The following MET variants were observed in gnomAD, a reference collection of about 807,000 sequenced individuals.
The protein encoded by MET is hepatocyte growth factor receptor.
A neutral mutation model predicts 133.1 loss-of-function variants in MET; 48 were observed. The ratio of observed to expected loss-of-function variants is 0.36; its 90% confidence interval spans 0.29 to 0.46. The LOEUF (loss-of-function observed/expected upper bound fraction) is 0.46. Ranked by LOEUF, MET falls within the 20% of genes least tolerant of loss-of-function variation. The pLI, the probability that MET is intolerant of heterozygous loss-of-function variation, is 1.00. For missense variants in MET, 1,442 were observed against 1,695.9 expected (o/e 0.85, Z 2.63); for synonymous variants, 628 against 616.5 (o/e 1.02, Z -0.28).
chr7:116,740,772 A>G (rs1562909383), intron 4 of MET, 80 bp from the exon 5 acceptor site: 1 of 1,529,990 alleles, frequency 6.5e-7, no homozygotes, highest in Admixed American at 1.7e-5. Context: ...ATTTACATGT[A>G]CCTTTTGTGT....
At chr7:116,785,250 G>C (rs1033847643) in intron 19 of MET, among the ~76,000 whole-genome samples, 7 of 152,300 alleles carry the variant, frequency 4.6e-5, no homozygotes, top group African/African-American at 1.7e-4. Context: ...CAAACTGTCA[G>C]TGGATCTACC....
At chr7:116,684,669 G>C (rs1796482474) in intron 1 of MET, among the ~76,000 whole-genome samples, 1 of 152,182 alleles carries the variant, frequency 6.6e-6, no homozygotes, top group Non-Finnish European at 1.5e-5. Context: ...GAGTGGCTGA[G>C]CACATGGCTT....
In MET at chr7:116,774,777, A is replaced by G. The variant is rs1584957583; in HGVS notation, c.3029-104A>G. On this transcript the variant is annotated intron_variant, in intron 14 of 20. Transcript: ENST00000397752. ...ACTTAGTATCTTTTCCCAATTTATT[A>G]TCATTTTTATCAAACTAATTCCATT... 1.8e-5 allele frequency: 15 copies of G among 853,482 alleles called. No individual in the cohort carries two copies. In the East Asian group the frequency reaches 3.9e-4, roughly 22 times the overall value. The allele number at this position is 853,482 out of a possible 1,614,324, so 52.9% of individuals were successfully genotyped here.
chr7:116,785,407 T>TG (rs543915598), intron 19 of MET, among the ~76,000 whole-genome samples: 93 of 151,644 alleles, frequency 6.1e-4, no homozygotes, highest in African/African-American at 2.2e-3. Flanking sequence ...CAGGACCAAG[T>TG]GGGGGGAGGG....
intron 11 of MET, 189 bp downstream of exon 11, chr7:116,763,457 G>A (rs1352126032): frequency 6.5e-6 from 4 of 615,838 alleles, no homozygotes; most frequent in South Asian, 1.9e-5. Flanking sequence ...GCATTTTAAT[G>A]AAGCATTAAA....
intron 2 of MET, among the ~76,000 whole-genome samples, chr7:116,711,487 C>T (rs930095992): frequency 6.6e-6 from 1 of 152,182 alleles, no homozygotes; most frequent in Non-Finnish European, 1.5e-5. Flanking sequence ...TTAACATAAT[C>T]TAATTCAGTC....
chr7:116,704,142 G>T (rs1791682492), intron 2 of MET, among the ~76,000 whole-genome samples: 1 of 152,072 alleles, frequency 6.6e-6, no homozygotes. Flanking sequence ...TGACTTCTTG[G>T]AGGCTGAGTC....
chr7:116,754,983 G>GGAAAGAAAGAAAGAAAGAAAAA (rs1794104801), intron 5 of MET, among the ~76,000 whole-genome samples: 1 of 78,694 alleles, frequency 1.3e-5, no homozygotes, highest in South Asian at 5.6e-4. Context: ...AGCAGAGAAA[G>GGAAAGAAAGAAAGAAAGAAAAA]GAAAGAAAGA....
rs1584880673 is a variant in MET at position 116,702,174 on chromosome 7, G to C, written c.1200+1890G>C. 3.9e-5 allele frequency among the ~76,000 whole-genome samples: 6 copies of C among 152,000 alleles called. No homozygotes were observed. In the South Asian group the frequency reaches 1.2e-3, roughly 32 times the overall value. ...ATCGCCCAGGAAAAATTCCCAAAAT[G>C]CACTAGCCACACCTGAAACCATTAT... On this transcript the variant is annotated intron_variant, in intron 2 of 20. Coordinates refer to ENST00000397752, the MANE Select transcript of MET (RefSeq NM_000245.4).
chr7:116,790,905 C>T (rs1451472823), intron 19 of MET, among the ~76,000 whole-genome samples: 5 of 152,104 alleles, frequency 3.3e-5, no homozygotes, highest in Admixed American at 3.3e-4. Context: ...GGTAAAACCC[C>T]ATCTCCACTA....
chr7:116,684,924 G>C (rs1227505469), intron 1 of MET, among the ~76,000 whole-genome samples: 2 of 152,216 alleles, frequency 1.3e-5, no homozygotes, highest in African/African-American at 4.8e-5. Flanking sequence ...CAGCGAGGAA[G>C]CTGTTGTAGT....
intron 3 of MET, among the ~76,000 whole-genome samples, chr7:116,734,504 G>T (rs1034957774): frequency 6.6e-5 from 10 of 152,168 alleles, no homozygotes; most frequent in Non-Finnish European, 1.3e-4. Context: ...TTTGTGTATG[G>T]CAGGGAAGAC....
intron 2 of MET, among the ~76,000 whole-genome samples, chr7:116,728,564 T>C (rs1408528857): frequency 6.6e-6 from 1 of 152,178 alleles, no homozygotes; most frequent in Non-Finnish European, 1.5e-5. Flanking sequence ...AGGAGACCCT[T>C]AGTTTCATCT....
chr7:116,790,903 C>T (rs1795470214), intron 19 of MET, among the ~76,000 whole-genome samples: 1 of 152,078 alleles, frequency 6.6e-6, no homozygotes, highest in Non-Finnish European at 1.5e-5. Flanking sequence ...ATGGTAAAAC[C>T]CCATCTCCAC....
intron 5 of MET, among the ~76,000 whole-genome samples, chr7:116,744,290 GA>G (rs370397027): frequency 6.6e-6 from 1 of 151,440 alleles, no homozygotes; most frequent in Admixed American, 6.6e-5. Flanking sequence ...TAAGAACCTT[GA>G]AAAAAAAGCT....
rs1467502349 is a variant in MET at position 116,797,234 on chromosome 7, C to T, written c.*1110C>T. The T allele has an allele frequency of 1.4e-5, 3 of 212,422 alleles. No individual in the cohort carries two copies. The highest frequency in any genetic ancestry group is 2.8e-5 in the Non-Finnish European group (3 of 105,320). The allele number at this position is 212,422 out of a possible 1,614,324, so 13.2% of individuals were successfully genotyped here. A position where few individuals can be genotyped will look rare whatever the true frequency, so the allele number is the denominator to read the frequency against. On this transcript the variant is annotated 3_prime_UTR_variant, in exon 21 of 21. Coordinates refer to ENST00000397752, the MANE Select transcript of MET (RefSeq NM_000245.4). The stretch of plus-strand genomic sequence containing the variant: ...TGTTGATAAATATTTTTAAAGATAA[C>T]TCAGCATGTTTGTAAAGCAGGATAC...
chr7:116,673,558 T>C (rs574340806), intron 1 of MET, among the ~76,000 whole-genome samples: 2 of 152,328 alleles, frequency 1.3e-5, no homozygotes, highest in Admixed American at 6.5e-5. Flanking sequence ...ATTCTGTAGC[T>C]TTGGGTGGGG....
At chr7:116,752,431 T>C (rs1793958549) in intron 5 of MET, among the ~76,000 whole-genome samples, 1 of 152,224 alleles carries the variant, frequency 6.6e-6, no homozygotes, top group African/African-American at 2.4e-5. Context: ...ACCCAGCCTC[T>C]GTGGCTTTAT....
rs201829409 is a variant in MET, at chr7:116,774,195, T to C, written c.3029-686T>C. ...CAAAAGGGAACTTTGCCTGAGGTTC[T>C]TACAGAGCTTTGGTTATAAAGATCA... is the stretch of plus-strand genomic sequence containing the variant. On this transcript the variant is annotated intron_variant, in intron 14 of 20. Coordinates refer to ENST00000397752, the MANE Select transcript of MET (RefSeq NM_000245.4). Among the ~76,000 whole-genome samples, 3 of 152,324 alleles carry C rather than the reference T, an allele frequency of 2.0e-5. No individual in the cohort carries two copies. The East Asian group carries it at 5.8e-4, about 29-fold the overall frequency.
Sources: gnomAD v4.1 joint callset for allele counts (sites outside exome capture counted in the v4.1 genomes callset) on GRCh38, gnomAD v4.1.1 for gene constraint, MANE v1.5 for transcripts, NCBI Gene and HGNC (gene_info 2026-07-23, HGNC 2026-07-21) for gene names.